The following SMAD1 variants were observed in gnomAD, a reference collection of about 807,000 sequenced individuals.
SMAD1 encodes the protein SMAD family member 1, also known as MAD, mothers against decapentaplegic homolog 1.
Under a neutral mutation model 41.6 loss-of-function variants are expected in SMAD1, and 6 were observed. That is an observed-to-expected ratio of 0.14 (90% CI 0.08 to 0.28). The LOEUF (loss-of-function observed/expected upper bound fraction) is 0.28, where lower values mean the gene tolerates loss of function less well. SMAD1 is among the 10% of genes least tolerant of loss of function. The pLI is 1.00. For synonymous variants in SMAD1, 206 were observed against 203.2 expected (o/e 1.01, Z -0.12); for missense variants, 379 against 582.6 (o/e 0.65, Z 3.60).
upstream of SMAD1, chr4:145,481,743 G>C (rs1331709633): frequency 5.3e-6 from 1 of 188,850 alleles, no homozygotes; most frequent in Non-Finnish European, 1.1e-5. Context: ...GGCGGCGCGC[G>C]GGTGAGCGGG....
At chr4:145,513,659 A>G (rs1309179234) in intron 1 of SMAD1, among the ~76,000 whole-genome samples, 1 of 152,248 alleles carries the variant, frequency 6.6e-6, no homozygotes, top group African/African-American at 2.4e-5. Flanking sequence ...AGCCTAAGAA[A>G]TATTTGTAGA....
At chr4:145,546,374 G>A (rs539114439) in intron 4 of SMAD1, 7 of 245,864 alleles carry the variant, frequency 2.8e-5, no homozygotes, top group East Asian at 8.5e-5. Context: ...TGTGGTAGGG[G>A]TGATTTCCAT....
Position 145,546,738 on chromosome 4 carries a change from T to G in SMAD1, c.811T>G (p.Trp271Gly). The change falls in exon 5 of 7, where the codon TGG becomes GGG. Residue 271 changes from tryptophan (W) to glycine (G), a missense_variant. By Grantham distance (184) the Trp-to-Gly change is radical (BLOSUM62 -2). This residue lies in a region of SMAD1 where 208 missense variants were observed against 210.5 expected (regional missense o/e 0.99). Coordinates refer to ENST00000302085, the MANE Select transcript of SMAD1 (RefSeq NM_005900.3). ...GGTTGCTTATGAGGAACCAAAACAC[T>G]GGTGCTCTATTGTCTACTATGAGCT... ...QAVAYEEPKH[W>G]CSIVYYELNN... 2 of 1,613,848 alleles carry G rather than the reference T, an allele frequency of 1.2e-6. No individual in the cohort carries two copies. The highest frequency in any genetic ancestry group is 1.7e-6 in the Non-Finnish European group (2 of 1,179,984).
In SMAD1 at chr4:145,519,651, CAA is replaced by C. The variant is rs760849415; in HGVS notation, c.400+4652_400+4653del. ...CCTGGGTAAGAGAGAGACTCTGTAT[CAA>C]AAAAAAAAAAAAACCCACTTTTTTA... On this transcript the variant is annotated intron_variant, in intron 2 of 6. Transcript: ENST00000302085. 8.4e-3 allele frequency among the ~76,000 whole-genome samples: 622 copies of C among 73,626 alleles called. 4 individuals carry two copies. Among genetic ancestry groups the C allele is most frequent in the African/African-American group, 0.039 (601 of 15,568 alleles). The allele number at this position is 73,626 out of a possible 152,430, so 48.3% of individuals were successfully genotyped here. A position where few individuals can be genotyped will look rare whatever the true frequency, so the allele number is the denominator to read the frequency against.
intron 6 of SMAD1, 33 bp from the exon 7 acceptor site, chr4:145,557,758 C>T: frequency 6.4e-7 from 1 of 1,562,054 alleles, no homozygotes; most frequent in Non-Finnish European, 8.7e-7. Flanking sequence ...CTGAGTTAAA[C>T]AAGTTAAATG....
chr4:145,507,438 C>T (rs1338819381), intron 1 of SMAD1, among the ~76,000 whole-genome samples: 1 of 151,914 alleles, frequency 6.6e-6, no homozygotes, highest in Non-Finnish European at 1.5e-5. Context: ...TTTTTAAGGT[C>T]TGTATAATAT....
In SMAD1 at chr4:145,505,792, A is replaced by G. The variant is rs190946170; in HGVS notation, c.-176-8646A>G. ...GATGTAAGTCTGGAAATACGCACTTAGGTGGTTTTGTTACTTAGAAATATT... is the reference window on the plus strand; with the variant it reads ...GATGTAAGTCTGGAAATACGCACTTGGGTGGTTTTGTTACTTAGAAATATT... On this transcript the variant is annotated intron_variant, in intron 1 of 6. Coordinates refer to ENST00000302085, the MANE Select transcript of SMAD1 (RefSeq NM_005900.3). 3.7e-3 allele frequency among the ~76,000 whole-genome samples: 565 copies of G among 152,192 alleles called. 3 individuals carry two copies. The highest frequency in any genetic ancestry group is 0.013 in the African/African-American group (533 of 41,522).
intron 5 of SMAD1, among the ~76,000 whole-genome samples, 185 bp from the exon 6 acceptor site, chr4:145,553,599 C>T (rs777412844): frequency 7.9e-5 from 12 of 152,134 alleles, no homozygotes; most frequent in Non-Finnish European, 1.8e-4. Flanking sequence ...TAACAGGCCA[C>T]GGACTGATAC....
At chr4:145,503,018 G>A (rs954298253) in intron 1 of SMAD1, 2 of 152,182 alleles carry the variant, frequency 1.3e-5, no homozygotes, top group African/African-American at 4.8e-5. Flanking sequence ...CTGCATTATT[G>A]CATCACTATA....
chr4:145,499,006 C>T (rs1397002459), intron 1 of SMAD1, among the ~76,000 whole-genome samples: 3 of 152,134 alleles, frequency 2.0e-5, no homozygotes, highest in Admixed American at 6.5e-5. Flanking sequence ...TTATTGCCAC[C>T]TTCAGACCAT....
chr4:145,519,241 G>A (rs1352783510), intron 2 of SMAD1, among the ~76,000 whole-genome samples: 1 of 70,430 alleles, frequency 1.4e-5, no homozygotes, highest in East Asian at 2.4e-4. Flanking sequence ...GATTACAGAC[G>A]TGCATCACCA....
chr4:145,496,108 A>G (rs1397479070), intron 1 of SMAD1, among the ~76,000 whole-genome samples: 2 of 152,182 alleles, frequency 1.3e-5, no homozygotes, highest in Admixed American at 1.3e-4. Flanking sequence ...CTGCCTTGAT[A>G]AAACTCTTGT....
chr4:145,520,567 C>T (rs1730684505), intron 2 of SMAD1, among the ~76,000 whole-genome samples: 1 of 152,190 alleles, frequency 6.6e-6, no homozygotes, highest in Non-Finnish European at 1.5e-5. Context: ...TTAAATCCTC[C>T]AGCATTTTTA....
intron 3 of SMAD1, among the ~76,000 whole-genome samples, chr4:145,541,298 G>A (rs2126516731): frequency 6.6e-6 from 1 of 152,344 alleles, no homozygotes; most frequent in East Asian, 1.9e-4. Flanking sequence ...ATGGAAAACA[G>A]TTGCAAGGGA....
At chr4:145,491,243 T>C (rs184860671) in intron 1 of SMAD1, among the ~76,000 whole-genome samples, 1 of 152,326 alleles carries the variant, frequency 6.6e-6, no homozygotes. Context: ...AAATTGGTAG[T>C]GGACGTGAAC....
intron 1 of SMAD1, among the ~76,000 whole-genome samples, chr4:145,493,838 T>C (rs1357656188): frequency 6.6e-6 from 1 of 152,262 alleles, no homozygotes; most frequent in African/African-American, 2.4e-5. Context: ...AGAAGCAATC[T>C]AATTGGTAAG....
At chr4:145,522,839 C>T (rs894045799) in intron 2 of SMAD1, among the ~76,000 whole-genome samples, 1 of 151,822 alleles carries the variant, frequency 6.6e-6, no homozygotes, top group Admixed American at 6.6e-5. Context: ...GCCACCATGC[C>T]CAACTAATTT....
In SMAD1 at chr4:145,539,931, C is replaced by T. The variant is rs779531951; in HGVS notation, c.528C>T (p.Phe176=). Reference sequence around the variant, plus strand: ...TCAACGCCACTTTTCCAGATTCTTTCCAGCAACCCAACAGCCACCCGTTTC... The same window carrying T: ...TCAACGCCACTTTTCCAGATTCTTTTCAGCAACCCAACAGCCACCCGTTTC... ...MPLNATFPDS[F]QQPNSHPFPH... The change falls in exon 3 of 7, where the codon TTC becomes TTT. Residue 176 remains phenylalanine (F), a synonymous_variant. Transcript: ENST00000302085. 6.2e-7 allele frequency: 1 copy of T among 1,614,046 alleles called. No individual in the cohort carries two copies. Among genetic ancestry groups the T allele is most frequent in the Non-Finnish European group, 8.5e-7 (1 of 1,179,994 alleles).
chr4:145,511,663 A>G (rs1730085185), intron 1 of SMAD1, among the ~76,000 whole-genome samples: 1 of 152,208 alleles, frequency 6.6e-6, no homozygotes, highest in African/African-American at 2.4e-5. Context: ...AACTTACTGT[A>G]CTAATAGTAA....
Sources: allele counts gnomAD v4.1 joint callset (sites outside exome capture counted in the v4.1 genomes callset), GRCh38; gene constraint gnomAD v4.1.1; regional missense constraint gnomAD v4.1.1; transcripts MANE v1.5; gene names NCBI Gene and HGNC (gene_info 2026-07-23, HGNC 2026-07-21).